The following ANO3 variants were observed in gnomAD, a reference collection of about 807,000 sequenced individuals.
The protein encoded by ANO3 is anoctamin-3.
In ANO3, 99 loss-of-function variants were observed where a neutral mutation model predicts 144.8. That is an observed-to-expected ratio of 0.68 (90% CI 0.58 to 0.81). The LOEUF (loss-of-function observed/expected upper bound fraction) is 0.81, where lower values mean the gene tolerates loss of function less well. Ranked by LOEUF, ANO3 falls within the 30% of genes least tolerant of loss-of-function variation. The pLI is 0.00. For synonymous variants in ANO3, 414 were observed against 392.6 expected, an observed-to-expected ratio of 1.05 and a Z score of -0.64; for missense variants, 905 against 1,202.2, an observed-to-expected ratio of 0.75 and a Z score of 3.66.
At chr11:26,444,492 A>G (rs1319807671) in intron 3 of ANO3, among the ~76,000 whole-genome samples, 1 of 152,224 alleles carries the variant, frequency 6.6e-6, no homozygotes, top group African/African-American at 2.4e-5. Flanking sequence ...AGTTTTCAGT[A>G]GTAGATACAT....
intron 1 of ANO3, among the ~76,000 whole-genome samples, chr11:26,279,868 T>C (rs1050694420): frequency 2.0e-5 from 3 of 152,178 alleles, no homozygotes; most frequent in African/African-American, 7.2e-5. Context: ...GTAGAATAAG[T>C]CAAAATACCC....
intron 1 of ANO3, among the ~76,000 whole-genome samples, chr11:26,344,934 T>G (rs1409751057): frequency 1.4e-5 from 2 of 143,544 alleles, no homozygotes; most frequent in Non-Finnish European, 3.1e-5. Context: ...CCATATTAAT[T>G]CATGTTTTAT....
At chr11:26,596,193 T>TTCCC (rs55783310) in intron 14 of ANO3, among the ~76,000 whole-genome samples, 1 of 151,580 alleles carries the variant, frequency 6.6e-6, no homozygotes, top group East Asian at 2.0e-4. Context: ...CTCTCTTTCT[T>TTCCC]CTTTGACTTT....
chr11:26,560,676 A>T (rs1850252859), intron 14 of ANO3: 2 of 156,724 alleles, frequency 1.3e-5, no homozygotes, highest in Non-Finnish European at 2.8e-5. Flanking sequence ...TTATGGTACT[A>T]GGGCTTCAGG....
intron 4 of ANO3, among the ~76,000 whole-genome samples, chr11:26,488,202 T>C (rs1306120928): frequency 6.6e-6 from 1 of 152,058 alleles, no homozygotes; most frequent in Non-Finnish European, 1.5e-5. Flanking sequence ...CAAAATCCCA[T>C]TTTAAAAGGT....
At chr11:26,281,919 T>A (rs61537731) in intron 1 of ANO3, among the ~76,000 whole-genome samples, 1 of 152,248 alleles carries the variant, frequency 6.6e-6, no homozygotes, top group Admixed American at 6.5e-5. Context: ...TATGAAGACA[T>A]GCAGTTCGTC....
chr11:26,576,981 T>C (rs1851002901), intron 14 of ANO3, among the ~76,000 whole-genome samples: 1 of 152,220 alleles, frequency 6.6e-6, no homozygotes, highest in African/African-American at 2.4e-5. Flanking sequence ...AATATTCTTC[T>C]CAACGTTGGC....
At chr11:26,198,311 A>C (rs535658026) in intron 1 of ANO3, among the ~76,000 whole-genome samples, 1 of 152,080 alleles carries the variant, frequency 6.6e-6, no homozygotes, top group South Asian at 2.1e-4. Flanking sequence ...CTAAGTGGAA[A>C]TTTTTTCCAT....
chr11:26,322,491 C>T (rs1854783826), intron 1 of ANO3, among the ~76,000 whole-genome samples: 1 of 152,034 alleles, frequency 6.6e-6, no homozygotes, highest in South Asian at 2.1e-4. Context: ...TCTTTAGGCT[C>T]CTCTTGACTT....
intron 1 of ANO3, among the ~76,000 whole-genome samples, chr11:26,226,394 T>A (rs1405314517): frequency 1.3e-5 from 2 of 152,136 alleles, no homozygotes; most frequent in Non-Finnish European, 2.9e-5. Flanking sequence ...ATAAACATAT[T>A]TTCTGTTAAA....
chr11:26,343,308 C>T (rs1468513753), intron 1 of ANO3, among the ~76,000 whole-genome samples: 1 of 152,186 alleles, frequency 6.6e-6, no homozygotes, highest in East Asian at 1.9e-4. Flanking sequence ...AGTGAACATA[C>T]ATGTTGATTC....
intron 4 of ANO3, among the ~76,000 whole-genome samples, chr11:26,475,238 G>T (rs1424371892): frequency 6.6e-6 from 1 of 151,594 alleles, no homozygotes; most frequent in African/African-American, 2.4e-5. Context: ...TTTGCTTCAT[G>T]ATTTTTATTC....
At chr11:26,337,158 C>T (rs758425079) in intron 1 of ANO3, among the ~76,000 whole-genome samples, 15 of 151,782 alleles carry the variant, frequency 9.9e-5, no homozygotes, top group Non-Finnish European at 1.5e-4. Flanking sequence ...TATTTCAACC[C>T]GAAAAAAAAC....
intron 1 of ANO3, among the ~76,000 whole-genome samples, chr11:26,382,127 C>G (rs1856605544): frequency 6.6e-6 from 1 of 152,046 alleles, no homozygotes; most frequent in Admixed American, 6.6e-5. Context: ...TCAATTTGTG[C>G]AAAGAGCTTT....
At chr11:26,507,693 A>G (rs117400244) in intron 4 of ANO3, among the ~76,000 whole-genome samples, 3,360 of 152,320 alleles carry the variant, frequency 0.022, 63 homozygotes, top group Non-Finnish European at 0.035. Context: ...ATAGGATAAA[A>G]TATTGAAAGC....
At chr11:26,300,383 C>T (rs897418469) in intron 1 of ANO3, among the ~76,000 whole-genome samples, 2 of 152,066 alleles carry the variant, frequency 1.3e-5, no homozygotes, top group East Asian at 1.9e-4. Flanking sequence ...CTCTCTCTCT[C>T]GACATTTGCC....
intron 1 of ANO3, among the ~76,000 whole-genome samples, chr11:26,348,774 G>C (rs1035469589): frequency 5.9e-5 from 9 of 152,186 alleles, no homozygotes; most frequent in African/African-American, 2.2e-4. Context: ...CATCAGAAAT[G>C]TTATTTGCTC....
chr11:26,615,182 G>GTT (rs34108829), intron 17 of ANO3, among the ~76,000 whole-genome samples: 40 of 143,292 alleles, frequency 2.8e-4, no homozygotes, highest in South Asian at 8.7e-4. Context: ...TTCTGTTTTT[G>GTT]TTTTTTTTTT....
chr11:26,349,155 G>A (rs561110553), intron 1 of ANO3, among the ~76,000 whole-genome samples: 26 of 152,080 alleles, frequency 1.7e-4, no homozygotes, highest in African/African-American at 5.3e-4. Context: ...GTAATTGATC[G>A]CAACTCAGTT....
Sources: allele counts gnomAD v4.1 joint callset (sites outside exome capture counted in the v4.1 genomes callset), GRCh38; gene constraint gnomAD v4.1.1; transcripts MANE v1.5; gene names NCBI Gene and HGNC (gene_info 2026-07-23, HGNC 2026-07-21).